HDAC9: variants seen among roughly 807,000 people sequenced by gnomAD.
The protein encoded by HDAC9 is histone deacetylase 9.
A neutral mutation model predicts 139.4 loss-of-function variants in HDAC9; 41 were observed. The ratio of observed to expected loss-of-function variants is 0.29; its 90% CI spans 0.23 to 0.38. The LOEUF is 0.38. Among genes scored for constraint, HDAC9 ranks in the 10% least tolerant of loss-of-function variants. The pLI is 1.00. For synonymous variants in HDAC9, 517 were observed against 476.2 expected (o/e 1.09, Z -1.12); for missense variants, 1,147 against 1,297.0 (o/e 0.88, Z 1.78).
chr7:18,596,490 A>G (rs1008944181), intron 6 of HDAC9, among the ~76,000 whole-genome samples: 10 of 152,158 alleles, frequency 6.6e-5, no homozygotes, highest in African/African-American at 2.4e-4. Context: ...ATGTTGTCAA[A>G]TAATTTTTAC....
intron 1 of HDAC9, among the ~76,000 whole-genome samples, chr7:18,149,763 C>G (rs1584336624): frequency 6.6e-6 from 1 of 152,122 alleles, no homozygotes; most frequent in East Asian, 1.9e-4. Context: ...ACTGTGTTAG[C>G]CAGGATGGTC....
chr7:18,322,596 T>G (rs1800111014), intron 1 of HDAC9, among the ~76,000 whole-genome samples: 1 of 152,164 alleles, frequency 6.6e-6, no homozygotes, highest in Non-Finnish European at 1.5e-5. Context: ...ACGCAGAATG[T>G]TTTTTGTTTG....
chr7:18,656,705 C>A (rs1249934936), intron 11 of HDAC9, among the ~76,000 whole-genome samples: 1 of 152,110 alleles, frequency 6.6e-6, no homozygotes, highest in African/African-American at 2.4e-5. Context: ...TATTTATATT[C>A]TTCCAAATCT....
chr7:18,095,114 T>G (rs1782423021), intron 1 of HDAC9, among the ~76,000 whole-genome samples: 1 of 152,158 alleles, frequency 6.6e-6, no homozygotes, highest in Admixed American at 6.5e-5. Flanking sequence ...AAAATCAGAC[T>G]TTCATTCTGC....
At chr7:18,701,744 T>G (rs1178103) in intron 12 of HDAC9, among the ~76,000 whole-genome samples, 28,009 of 152,242 alleles carry the variant, frequency 0.18, 2,674 homozygotes, top group East Asian at 0.28. Context: ...GGAACATCCA[T>G]TACATGTCCA....
At chr7:18,926,302 A>G (rs142051570) in intron 22 of HDAC9, among the ~76,000 whole-genome samples, 382 of 152,228 alleles carry the variant, frequency 2.5e-3, no homozygotes, top group Middle Eastern at 0.014. Context: ...AGCTATGATG[A>G]TGCCACTACA....
intron 1 of HDAC9, among the ~76,000 whole-genome samples, chr7:18,307,097 TTGTGTGTGTG>T (rs56020648): frequency 0.06 from 8,072 of 134,826 alleles, 252 homozygotes; most frequent in East Asian, 0.12. Flanking sequence ...AGGGCAGTTC[TTGTGTGTGTG>T]TGTGTGTGTG....
intron 1 of HDAC9, among the ~76,000 whole-genome samples, chr7:18,378,538 A>T (rs1032321737): frequency 1.3e-5 from 2 of 152,094 alleles, no homozygotes; most frequent in Non-Finnish European, 2.9e-5. Context: ...AAAGGAGCCT[A>T]ACCACAGAAA....
chr7:18,286,967 A>G (rs534167008), upstream of HDAC9, among the ~76,000 whole-genome samples: 1 of 152,318 alleles, frequency 6.6e-6, no homozygotes, highest in South Asian at 2.1e-4. Flanking sequence ...AATGACTTAC[A>G]TATCTAGAAC....
At chr7:18,293,713 G>A (rs570060607) in intron 1 of HDAC9, among the ~76,000 whole-genome samples, 2 of 152,086 alleles carry the variant, frequency 1.3e-5, no homozygotes, top group Non-Finnish European at 1.5e-5. Context: ...CAGATTCAGA[G>A]TGCCATTTAG....
intron 2 of HDAC9, among the ~76,000 whole-genome samples, chr7:18,573,418 T>A (rs1240138789): frequency 2.0e-5 from 3 of 152,260 alleles, no homozygotes; most frequent in African/African-American, 7.2e-5. Flanking sequence ...ATGTTGTTTG[T>A]GTCTAGGGAT....
intron 17 of HDAC9, among the ~76,000 whole-genome samples, chr7:18,825,469 A>G (rs1795350134): frequency 6.6e-6 from 1 of 151,038 alleles, no homozygotes; most frequent in South Asian, 2.1e-4. Context: ...GGCTGAGAGG[A>G]AAAAAAAATG....
chr7:18,118,570 G>A (rs1306886197), intron 1 of HDAC9, among the ~76,000 whole-genome samples: 5 of 152,146 alleles, frequency 3.3e-5, no homozygotes, highest in Non-Finnish European at 7.3e-5. Context: ...GGATATAACA[G>A]AGGAATTTAA....
intron 3 of HDAC9, among the ~76,000 whole-genome samples, chr7:18,586,533 G>A (rs1394220547): frequency 1.3e-5 from 2 of 151,932 alleles, no homozygotes; most frequent in African/African-American, 4.8e-5. Context: ...ATTGATAGAG[G>A]GTTGATACAG....
chr7:18,206,576 G>A (rs1302317908), intron 2 of HDAC9, among the ~76,000 whole-genome samples: 1 of 152,088 alleles, frequency 6.6e-6, no homozygotes, highest in Non-Finnish European at 1.5e-5. Context: ...GGGGGAGGGT[G>A]AATATTCCCA....
At chr7:18,941,216 A>G (rs1299720857) in intron 23 of HDAC9, among the ~76,000 whole-genome samples, 1 of 131,184 alleles carries the variant, frequency 7.6e-6, no homozygotes, top group African/African-American at 2.9e-5. Context: ...TCACTTCCTC[A>G]CTCCCTTCAA....
chr7:18,752,355 C>T (rs532257509), intron 14 of HDAC9, among the ~76,000 whole-genome samples: 2 of 152,160 alleles, frequency 1.3e-5, no homozygotes, highest in East Asian at 3.9e-4. Context: ...TATCTGCCCA[C>T]TGAAGTTCAC....
chr7:18,579,091 T>C (rs1232441451), intron 2 of HDAC9, among the ~76,000 whole-genome samples: 1 of 152,222 alleles, frequency 6.6e-6, no homozygotes, highest in Non-Finnish European at 1.5e-5. Context: ...CATCTTGGTA[T>C]TGATCAGAGT....
intron 21 of HDAC9, among the ~76,000 whole-genome samples, chr7:18,842,578 T>A (rs1250862192): frequency 2.0e-5 from 3 of 152,090 alleles, no homozygotes; most frequent in Admixed American, 1.3e-4. Flanking sequence ...TTTCAAAAAG[T>A]TTTATCAAAG....
Sources: allele counts gnomAD v4.1 joint callset (sites outside exome capture counted in the v4.1 genomes callset), GRCh38; gene constraint gnomAD v4.1.1; transcripts MANE v1.5; gene names NCBI Gene and HGNC (gene_info 2026-07-23, HGNC 2026-07-21).